Variants in CCDC7 observed in about 807,000 individuals in gnomAD.
The protein encoded by CCDC7 is coiled-coil domain-containing protein 7.
CCDC7 carries 183 observed loss-of-function variants against 196.9 expected under a neutral mutation model. The observed-to-expected ratio is 0.93, with a 90% CI of 0.82 to 1.05. CCDC7 has a LOEUF of 1.05. CCDC7 is among the 50% of genes least tolerant of loss of function. CCDC7 has a pLI of 0.00. For missense variants in CCDC7, 1,540 were observed against 1,482.2 expected, an observed-to-expected ratio of 1.04 and a Z score of -0.64; for synonymous variants, 525 against 484.6, an observed-to-expected ratio of 1.08 and a Z score of -1.10.
rs1287483118 is a variant in CCDC7 at position 32,851,871 on chromosome 10, T to A, written c.3960T>A (p.Tyr1320Ter). The change falls in exon 40 of 42, where the codon TAT becomes TAA. Residue 1320 changes from tyrosine (Y) to a stop codon, truncating the protein, a stop_gained. Coordinates refer to ENST00000639629, the Ensembl canonical transcript of CCDC7. LOFTEE classifies it high-confidence loss of function. ...CTTCAAAAGCAATTTATAGAACATA[T>A]AGGGCTGGTCCAAGCTTTTCTAAAG... 6 of 1,612,342 alleles carry A rather than the reference T, an allele frequency of 3.7e-6. No individual in the cohort carries two copies. Among genetic ancestry groups the A allele is most frequent in the Admixed American group, 1.7e-5 (1 of 59,714 alleles).
chr10:32,511,044 C>T (rs1346227325), intron 9 of CCDC7, among the ~76,000 whole-genome samples: 5 of 150,412 alleles, frequency 3.3e-5, no homozygotes, highest in Non-Finnish European at 5.9e-5. Context: ...ATGGTACTTG[C>T]AAGACTGACC....
chr10:32,704,907 C>G (rs941769983), intron 24 of CCDC7, among the ~76,000 whole-genome samples: 5 of 152,282 alleles, frequency 3.3e-5, no homozygotes, highest in Admixed American at 2.0e-4. Context: ...CAGGTGCCAT[C>G]TGTCACACCT....
intron 31 of CCDC7, among the ~76,000 whole-genome samples, chr10:32,820,905 G>C (rs1189513114): frequency 6.6e-6 from 1 of 152,024 alleles, no homozygotes; most frequent in East Asian, 1.9e-4. Flanking sequence ...CATAGGCATG[G>C]GTAAGGACTT....
chr10:32,471,628 A>C (rs2037970679), intron 6 of CCDC7, among the ~76,000 whole-genome samples: 1 of 152,194 alleles, frequency 6.6e-6, no homozygotes, highest in Non-Finnish European at 1.5e-5. Context: ...GAAATACTTC[A>C]TTGTTCATGA....
Position 32,626,350 on chromosome 10 carries a change from A to AT in CCDC7, c.1802-7899dup, listed in dbSNP as rs2064040328. On this transcript the variant is annotated intron_variant, in intron 18 of 41. Coordinates refer to ENST00000639629, the Ensembl canonical transcript of CCDC7. Reference sequence around the variant, plus strand: ...AGCTTTAAAAATATATATGTTTTCCATTTTTGTGTCTTCTTTTGAAAAATG... The same window carrying AT: ...AGCTTTAAAAATATATATGTTTTCCATTTTTTGTGTCTTCTTTTGAAAAATG... 3.9e-5 allele frequency among the ~76,000 whole-genome samples: 6 copies of AT among 151,958 alleles called. No individual in the cohort carries two copies. In the South Asian group the frequency reaches 1.2e-3, roughly 32 times the overall value.
upstream of CCDC7, among the ~76,000 whole-genome samples, chr10:32,447,369 A>G (rs1460805014): frequency 6.6e-6 from 1 of 152,050 alleles, no homozygotes; most frequent in Non-Finnish European, 1.5e-5. Flanking sequence ...TTTTGGTTTT[A>G]CTTATTGGCT....
At chr10:32,444,847 C>T (rs2030595525), upstream of CCDC7, among the ~76,000 whole-genome samples, 2 of 141,840 alleles carry the variant, frequency 1.4e-5, no homozygotes, top group South Asian at 4.5e-4. Flanking sequence ...CATATGCCTT[C>T]ATGTTTTTTT....
Position 32,847,754 on chromosome 10 carries a change from A to G in CCDC7, c.3689-79A>G. The stretch of plus-strand genomic sequence containing the variant: ...AAAAGAAAAGAAAAAGAAATTTCAA[A>G]AGAAAAAAGAACTAAAATACATGTG... On this transcript the variant is annotated intron_variant, in intron 37 of 41. Coordinates refer to ENST00000639629, the Ensembl canonical transcript of CCDC7. 4 of 891,452 alleles carry G rather than the reference A, an allele frequency of 4.5e-6. No homozygotes were observed. In the South Asian group the frequency reaches 6.6e-5, roughly 15 times the overall value. The allele number at this position is 891,452 out of a possible 1,614,324, so 55.2% of individuals were successfully genotyped here.
intron 8 of CCDC7, among the ~76,000 whole-genome samples, chr10:32,486,802 G>A (rs2041192446): frequency 6.6e-6 from 1 of 151,122 alleles, no homozygotes; most frequent in African/African-American, 2.4e-5. Flanking sequence ...TTTTCTTTAA[G>A]AATGTTGAAT....
At chr10:32,615,387 A>G (rs895163210) in intron 18 of CCDC7, among the ~76,000 whole-genome samples, 10 of 152,014 alleles carry the variant, frequency 6.6e-5, no homozygotes, top group African/African-American at 2.2e-4. Flanking sequence ...GTGTAAAATG[A>G]TATCTCATTG....
At chr10:32,665,887 A>C (rs1030670728) in intron 21 of CCDC7, among the ~76,000 whole-genome samples, 1 of 151,980 alleles carries the variant, frequency 6.6e-6, no homozygotes, top group Non-Finnish European at 1.5e-5. Context: ...CTAATGTTTT[A>C]TAGTTTTCAT....
At chr10:32,742,010 G>A (rs1320633576) in intron 28 of CCDC7, among the ~76,000 whole-genome samples, 10 of 152,076 alleles carry the variant, frequency 6.6e-5, no homozygotes, top group Non-Finnish European at 1.5e-4. Flanking sequence ...CTTACTTTAT[G>A]TTGGTATTTA....
At chr10:32,518,080 C>G in intron 10 of CCDC7, 105 bp downstream of exon 11, 2 of 1,363,678 alleles carry the variant, frequency 1.5e-6, no homozygotes, top group African/African-American at 3.0e-5. Flanking sequence ...CCAATCCTTA[C>G]TTAGTTTATT....
intron 20 of CCDC7, among the ~76,000 whole-genome samples, chr10:32,652,126 C>T (rs1017011600): frequency 2.0e-5 from 3 of 152,118 alleles, no homozygotes; most frequent in African/African-American, 7.2e-5. Context: ...ATAATTGTTA[C>T]ATCCTTCTGT....
chr10:32,775,834 A>G (rs1282476350), intron 28 of CCDC7, among the ~76,000 whole-genome samples: 1 of 152,158 alleles, frequency 6.6e-6, no homozygotes, highest in East Asian at 1.9e-4. Flanking sequence ...ATGCACACGT[A>G]TATTTATTGC....
chr10:32,824,939 CATG>C (rs1219201058), intron 32 of CCDC7, among the ~76,000 whole-genome samples: 1 of 152,186 alleles, frequency 6.6e-6, no homozygotes, highest in East Asian at 1.9e-4. Context: ...AGCTTATGAA[CATG>C]ATAACAAGAT....
Position 32,828,425 on chromosome 10 carries a change from A to AAGG in CCDC7, c.3268+3823_3268+3824insGAG, listed in dbSNP as rs766360093. The stretch of plus-strand genomic sequence containing the variant: ...GAAGGAGAAGGAGAAGGAGAAGAAG[A>AAGG]AGAAGGAAGGAAGGAGAAGAAGAAG... On this transcript the variant is annotated intron_variant, in intron 32 of 41. Transcript: ENST00000639629. 8.8e-4 allele frequency among the ~76,000 whole-genome samples: 103 copies of AAGG among 116,788 alleles called. 8 individuals are homozygous for AAGG. The Middle Eastern group carries it at 0.025, about 28-fold the overall frequency. 76.6% of individuals were successfully genotyped at this position (116,788 alleles called of 152,430 possible).
intron 39 of CCDC7, among the ~76,000 whole-genome samples, chr10:32,850,189 T>A (rs1268119651): frequency 6.6e-6 from 1 of 152,160 alleles, no homozygotes; most frequent in Non-Finnish European, 1.5e-5. Flanking sequence ...ATTTGCAGAT[T>A]TCCTCTATCT....
At chr10:32,779,600 T>C (rs1479371939) in intron 29 of CCDC7, among the ~76,000 whole-genome samples, 1 of 152,204 alleles carries the variant, frequency 6.6e-6, no homozygotes, top group East Asian at 1.9e-4. Flanking sequence ...TAAGTGACTA[T>C]TTTCTAATAA....
Sources: allele counts gnomAD v4.1 joint callset (sites outside exome capture counted in the v4.1 genomes callset), GRCh38; gene constraint gnomAD v4.1.1; transcripts MANE v1.5; gene names NCBI Gene and HGNC (gene_info 2026-07-23, HGNC 2026-07-21).